The following ZNF521 variants were observed in gnomAD, a reference collection of about 807,000 sequenced individuals.
ZNF521 encodes LYST-interacting protein 3.
In ZNF521, 14 loss-of-function variants were observed where a neutral mutation model predicts 105.5. The ratio of observed to expected loss-of-function variants is 0.13; its 90% CI spans 0.09 to 0.21. The LOEUF (loss-of-function observed/expected upper bound fraction) is 0.21. ZNF521 is among the 10% of genes least tolerant of loss of function. The probability of loss-of-function intolerance (pLI) is 1.00; values close to 1 mark genes in which losing one functional copy is unlikely to be tolerated. For synonymous variants in ZNF521, 635 were observed against 606.0 expected (o/e 1.05, Z -0.70); for missense variants, 1,233 against 1,629.7 (o/e 0.76, Z 4.19).
At chr18:25,137,249 T>C (rs1209905613) in intron 5 of ZNF521, among the ~76,000 whole-genome samples, 4 of 152,120 alleles carry the variant, frequency 2.6e-5, no homozygotes, top group African/African-American at 9.7e-5. Context: ...TGCAAATAGC[T>C]TTCCTTTTAA....
intron 3 of ZNF521, among the ~76,000 whole-genome samples, chr18:25,292,519 T>C (rs1270411650): frequency 6.6e-6 from 1 of 152,112 alleles, no homozygotes; most frequent in East Asian, 1.9e-4. Context: ...TTCTTTTGTG[T>C]CCCTGACATG....
chr18:25,324,363 G>T (rs536556346), intron 2 of ZNF521, among the ~76,000 whole-genome samples: 1 of 150,254 alleles, frequency 6.7e-6, no homozygotes, highest in African/African-American at 2.5e-5. Context: ...ATTTGGGTTT[G>T]CTTCTCTCAA....
intron 5 of ZNF521, among the ~76,000 whole-genome samples, chr18:25,116,091 C>T (rs1011367234): frequency 2.6e-5 from 4 of 152,114 alleles, no homozygotes; most frequent in South Asian, 4.1e-4. Flanking sequence ...GTGACTGAAG[C>T]GATCTGTTGT....
At chr18:25,208,877 G>A (rs78108269) in intron 4 of ZNF521, among the ~76,000 whole-genome samples, 2 of 152,018 alleles carry the variant, frequency 1.3e-5, no homozygotes, top group African/African-American at 2.4e-5. Flanking sequence ...CAGTAGAGAC[G>A]AGGTCTTGCT....
intron 3 of ZNF521, among the ~76,000 whole-genome samples, chr18:25,312,839 A>AAAG (rs1912395456): frequency 2.7e-5 from 1 of 37,618 alleles, no homozygotes; most frequent in Non-Finnish European, 6.1e-5. Flanking sequence ...AAAAAAAAAA[A>AAAG]AAGAAGTTGG....
chr18:25,198,637 C>T (rs909771452), intron 4 of ZNF521, among the ~76,000 whole-genome samples: 1 of 151,578 alleles, frequency 6.6e-6, no homozygotes, highest in Non-Finnish European at 1.5e-5. Context: ...AAGTTGTTAC[C>T]ATGTGAGGTG....
intron 2 of ZNF521, among the ~76,000 whole-genome samples, chr18:25,330,181 T>G (rs2145172705): frequency 7.7e-6 from 1 of 129,090 alleles, no homozygotes; most frequent in African/African-American, 2.9e-5. Flanking sequence ...TCTTTTTTTT[T>G]TGAGACAGAG....
intron 5 of ZNF521, among the ~76,000 whole-genome samples, chr18:25,172,328 C>T (rs1412039305): frequency 6.6e-6 from 1 of 152,128 alleles, no homozygotes; most frequent in Admixed American, 6.5e-5. Context: ...CTTTCTATTG[C>T]CGATTTTGGC....
At chr18:25,074,098 G>T (rs1444511844) in intron 7 of ZNF521, among the ~76,000 whole-genome samples, 1 of 152,182 alleles carries the variant, frequency 6.6e-6, no homozygotes, top group Non-Finnish European at 1.5e-5. Flanking sequence ...ACGCGCACGG[G>T]AATATGCCTG....
chr18:25,099,152 C>CA lies in ZNF521; in HGVS notation c.3659-7072dup, dbSNP rs1450695896. 3.9e-5 allele frequency among the ~76,000 whole-genome samples: 6 copies of CA among 152,256 alleles called. No homozygotes were observed. The East Asian group carries it at 1.2e-3, about 29-fold the overall frequency. ...ATTGATGTACACGAAGTACCTAGAA[C>CA]AGTACATGGCTCATAGCTGGAACTC... On this transcript the variant is annotated intron_variant, in intron 5 of 7. Coordinates refer to ENST00000361524, the MANE Select transcript of ZNF521 (RefSeq NM_015461.3).
chr18:25,270,182 G>T (rs1277343515), intron 3 of ZNF521, among the ~76,000 whole-genome samples: 1 of 152,154 alleles, frequency 6.6e-6, no homozygotes, highest in Non-Finnish European at 1.5e-5. Context: ...GGAAAATCTA[G>T]AAGAAATGGA....
chr18:25,118,453 A>G (rs1040690465), intron 5 of ZNF521, among the ~76,000 whole-genome samples: 1 of 152,062 alleles, frequency 6.6e-6, no homozygotes, highest in African/African-American at 2.4e-5. Flanking sequence ...TTATAGCATT[A>G]TCTTATGGGG....
intron 7 of ZNF521, among the ~76,000 whole-genome samples, chr18:25,078,659 A>G (rs1284982228): frequency 3.3e-5 from 5 of 152,260 alleles, no homozygotes; most frequent in African/African-American, 1.2e-4. Context: ...CTATGGCATC[A>G]CATCTGTTAA....
At chr18:25,257,585 C>T (rs1244655835) in intron 3 of ZNF521, among the ~76,000 whole-genome samples, 1 of 152,128 alleles carries the variant, frequency 6.6e-6, no homozygotes, top group Non-Finnish European at 1.5e-5. Flanking sequence ...CATTCGTAAG[C>T]GATATTCCCT....
At chr18:25,320,718 T>A (rs1055357078) in intron 3 of ZNF521, among the ~76,000 whole-genome samples, 7 of 152,226 alleles carry the variant, frequency 4.6e-5, no homozygotes, top group Non-Finnish European at 7.3e-5. Flanking sequence ...TTTCAAGTTT[T>A]CTGTATGTTT....
At chr18:25,318,232 G>T (rs142480298) in intron 3 of ZNF521, among the ~76,000 whole-genome samples, 1 of 152,090 alleles carries the variant, frequency 6.6e-6, no homozygotes, top group Non-Finnish European at 1.5e-5. Flanking sequence ...GGTGCACGCC[G>T]TACAATTTCA....
chr18:25,070,941 G>A (rs1238758189), intron 7 of ZNF521, among the ~76,000 whole-genome samples: 2 of 152,174 alleles, frequency 1.3e-5, no homozygotes, highest in African/African-American at 4.8e-5. Flanking sequence ...GGTCTATGAG[G>A]TGTGTTAAAT....
At chr18:25,199,584 A>C (rs527429460) in intron 4 of ZNF521, among the ~76,000 whole-genome samples, 127 of 152,184 alleles carry the variant, frequency 8.3e-4, no homozygotes, top group African/African-American at 3.0e-3. Flanking sequence ...TTACTTTCAA[A>C]AGTTTCAAGA....
intron 5 of ZNF521, among the ~76,000 whole-genome samples, chr18:25,106,888 T>C (rs1403995223): frequency 1.3e-5 from 2 of 152,194 alleles, no homozygotes; most frequent in Non-Finnish European, 2.9e-5. Flanking sequence ...ATTCTTGGTA[T>C]ACAAGGCATG....
Sources: gnomAD v4.1 joint callset for allele counts (sites outside exome capture counted in the v4.1 genomes callset) on GRCh38, gnomAD v4.1.1 for gene constraint, MANE v1.5 for transcripts, NCBI Gene and HGNC (gene_info 2026-07-23, HGNC 2026-07-21) for gene names.